THSD7A: variants seen among roughly 807,000 people sequenced by gnomAD.
THSD7A encodes the protein thrombospondin type 1 domain containing 7A.
In THSD7A, 96 loss-of-function variants were observed where a neutral mutation model predicts 231.3. The observed-to-expected ratio is 0.41, with a 90% CI of 0.35 to 0.49. The LOEUF is 0.49. THSD7A is among the 20% of genes least tolerant of loss of function. The probability of loss-of-function intolerance (pLI) is 0.05; values close to 1 mark genes in which losing one functional copy is unlikely to be tolerated. For synonymous variants in THSD7A, 940 were observed against 743.3 expected, an observed-to-expected ratio of 1.26 and a Z score of -4.30; for missense variants, 2,290 against 2,070.2, an observed-to-expected ratio of 1.11 and a Z score of -2.06.
chr7:11,690,968 T>C (rs538668006), intron 1 of THSD7A, among the ~76,000 whole-genome samples: 3 of 151,738 alleles, frequency 2.0e-5, no homozygotes, highest in African/African-American at 7.2e-5. Context: ...TTTAAAGCAA[T>C]TGCTCACTGT....
chr7:11,636,530 T>C lies in THSD7A; in HGVS notation c.622A>G (p.Lys208Glu). ...TGCTGGAGCCCGCTGCCGCAGGTCTTGGAGCATTCGGACCAGGCAGAAAAT... is the reference window on the plus strand; with the variant it reads ...TGCTGGAGCCCGCTGCCGCAGGTCTCGGAGCATTCGGACCAGGCAGAAAAT... ...SEFSAWSECS[K>E]TCGSGLQHRT... The change falls in exon 2 of 28, where the codon AAG (lysine) becomes GAG (glutamate). Residue 208 changes from lysine (K) to glutamate (E), a missense_variant. Coordinates refer to ENST00000423059, the MANE Select transcript of THSD7A (RefSeq NM_015204.3). The surrounding 1 kb of genome is among the most constrained non-coding windows in gnomAD (Gnocchi z 10.0). 1.2e-6 allele frequency: 2 copies of C among 1,613,950 alleles called. No individual in the cohort carries two copies. Among genetic ancestry groups the C allele is most frequent in the Non-Finnish European group, 1.7e-6 (2 of 1,179,880 alleles).
intron 1 of THSD7A, among the ~76,000 whole-genome samples, chr7:11,770,434 T>C (rs1783185125): frequency 1.3e-5 from 2 of 152,158 alleles, no homozygotes; most frequent in African/African-American, 4.8e-5. Context: ...TTATTTTCTG[T>C]TTATCTAAAG....
chr7:11,686,801 G>C (rs1464420641), intron 1 of THSD7A, among the ~76,000 whole-genome samples: 1 of 151,754 alleles, frequency 6.6e-6, no homozygotes, highest in African/African-American at 2.4e-5. Flanking sequence ...TAGACATAAA[G>C]ATGGCAACAA....
intron 1 of THSD7A, among the ~76,000 whole-genome samples, chr7:11,687,298 T>C (rs1780088597): frequency 6.6e-6 from 1 of 151,964 alleles, no homozygotes; most frequent in Admixed American, 6.6e-5. Context: ...AAGAAATTTA[T>C]ATGTTCAATT....
intron 1 of THSD7A, among the ~76,000 whole-genome samples, chr7:11,723,671 T>C (rs551833680): frequency 6.6e-6 from 1 of 151,818 alleles, no homozygotes; most frequent in Non-Finnish European, 1.5e-5. Context: ...TGAATATATT[T>C]AGGAGATCAG....
intron 7 of THSD7A, among the ~76,000 whole-genome samples, chr7:11,477,813 A>T (rs117810592): frequency 3.2e-4 from 48 of 152,304 alleles, no homozygotes; most frequent in Non-Finnish European, 5.1e-4. Flanking sequence ...TGACTGCTGC[A>T]GCTACTTACT....
intron 1 of THSD7A, among the ~76,000 whole-genome samples, chr7:11,718,220 A>G (rs1781211807): frequency 6.6e-6 from 1 of 151,798 alleles, no homozygotes; most frequent in East Asian, 2.0e-4. Context: ...TTGTTTCTGC[A>G]GCACAATTTG....
chr7:11,533,761 C>G (rs6946249), intron 6 of THSD7A, among the ~76,000 whole-genome samples: 12,525 of 152,102 alleles, frequency 0.082, 789 homozygotes, highest in East Asian at 0.17. Context: ...AGAGCATCAG[C>G]ACAAACAGCT....
At chr7:11,716,029 A>T (rs934168684) in intron 1 of THSD7A, among the ~76,000 whole-genome samples, 1 of 151,584 alleles carries the variant, frequency 6.6e-6, no homozygotes, top group Non-Finnish European at 1.5e-5. Flanking sequence ...TCAGGACTTG[A>T]TAACGATGTC....
At chr7:11,573,527 C>T (rs970011829) in intron 4 of THSD7A, among the ~76,000 whole-genome samples, 4 of 152,312 alleles carry the variant, frequency 2.6e-5, no homozygotes, top group East Asian at 1.9e-4. Flanking sequence ...ACTGTAATCA[C>T]GGTCTTCTGG....
intron 22 of THSD7A, among the ~76,000 whole-genome samples, chr7:11,405,329 G>A (rs1783546977): frequency 6.6e-6 from 1 of 151,832 alleles, no homozygotes; most frequent in African/African-American, 2.4e-5. Flanking sequence ...TGTGTTTTAT[G>A]CCCCATTATT....
intron 6 of THSD7A, among the ~76,000 whole-genome samples, chr7:11,483,209 T>C (rs978084986): frequency 4.6e-5 from 7 of 152,224 alleles, no homozygotes; most frequent in Admixed American, 2.0e-4. Flanking sequence ...ATCATTTTAA[T>C]GTACACTCCT....
chr7:11,423,495 A>AG (rs1583712327), intron 16 of THSD7A, among the ~76,000 whole-genome samples: 2 of 151,304 alleles, frequency 1.3e-5, no homozygotes, highest in African/African-American at 4.9e-5. Context: ...CAGCCTCCCG[A>AG]GTAGCTGGGA....
At chr7:11,403,058 C>T (rs1017963596) in intron 22 of THSD7A, among the ~76,000 whole-genome samples, 1 of 152,176 alleles carries the variant, frequency 6.6e-6, no homozygotes. Context: ...GAAATACACC[C>T]TTTCCATTAA....
intron 6 of THSD7A, among the ~76,000 whole-genome samples, chr7:11,534,026 T>C (rs144963361): frequency 3.9e-5 from 6 of 152,314 alleles, no homozygotes; most frequent in Admixed American, 2.6e-4. Flanking sequence ...GGAAGATACC[T>C]TGTTCTTTTC....
Position 11,379,321 on chromosome 7 carries a change from A to G in THSD7A, c.4591-41T>C, listed in dbSNP as rs1268933039. 7 of 1,598,984 alleles carry G rather than the reference A, an allele frequency of 4.4e-6. No individual in the cohort carries two copies. The South Asian group carries it at 7.7e-5, about 18-fold the overall frequency. On this transcript the variant is annotated intron_variant, in intron 25 of 27. Transcript: ENST00000423059. ...AAGATTTATACTAGCCATGCAAGGA[A>G]TCTTTGGAAGTCTAACAGACCTGAC... is the stretch of plus-strand genomic sequence containing the variant.
chr7:11,617,259 T>C (rs940649589), intron 2 of THSD7A, among the ~76,000 whole-genome samples: 5 of 152,172 alleles, frequency 3.3e-5, no homozygotes, highest in African/African-American at 7.2e-5. Context: ...CATACACACA[T>C]GCATACACAT....
chr7:11,658,165 G>C (rs75633346), intron 1 of THSD7A, among the ~76,000 whole-genome samples: 25,441 of 151,700 alleles, frequency 0.17, 2,217 homozygotes, highest in Non-Finnish European at 0.21. Flanking sequence ...ATTCAAAACT[G>C]AAGCAGCTGC....
At chr7:11,419,598 A>G (rs1316826638) in intron 16 of THSD7A, among the ~76,000 whole-genome samples, 1 of 152,216 alleles carries the variant, frequency 6.6e-6, no homozygotes, top group African/African-American at 2.4e-5. Flanking sequence ...AAATTGGTAC[A>G]AAAGAAGTGT....
Sources: gnomAD v4.1 joint callset for allele counts (sites outside exome capture counted in the v4.1 genomes callset) on GRCh38, gnomAD v4.1.1 for gene constraint, Gnocchi (gnomAD v3.1) non-coding constraint, MANE v1.5 for transcripts, NCBI Gene and HGNC (gene_info 2026-07-23, HGNC 2026-07-21) for gene names.